The following CCDC141 variants were observed in gnomAD, a reference collection of about 807,000 sequenced individuals.
CCDC141 encodes the protein coiled-coil domain containing 141, also known as coiled-coil domain-containing protein 141.
A neutral mutation model predicts 181.0 loss-of-function variants in CCDC141; 168 were observed. The observed-to-expected ratio is 0.93, with a 90% CI of 0.82 to 1.05. The LOEUF is 1.05. Among genes scored for constraint, CCDC141 ranks in the 50% least tolerant of loss-of-function variants. The probability of loss-of-function intolerance (pLI) is 0.00; values close to 1 mark genes in which losing one functional copy is unlikely to be tolerated. For synonymous variants in CCDC141, 666 were observed against 642.3 expected (o/e 1.04, Z -0.56); for missense variants, 1,902 against 1,788.5 (o/e 1.06, Z -1.14).
intron 2 of CCDC141, among the ~76,000 whole-genome samples, chr2:178,988,480 A>G (rs959202685): frequency 1.6e-5 from 2 of 122,254 alleles, no homozygotes; most frequent in Non-Finnish European, 4.2e-5. Flanking sequence ...AATAAAAAAT[A>G]AATAATAAAA....
intron 17 of CCDC141, among the ~76,000 whole-genome samples, chr2:178,858,151 T>A (rs1474794375): frequency 6.6e-6 from 1 of 152,198 alleles, no homozygotes; most frequent in Admixed American, 6.5e-5. Flanking sequence ...CTTTAACTGA[T>A]AAATAAATCA....
At chr2:178,979,331 A>G (rs1331866359) in intron 2 of CCDC141, among the ~76,000 whole-genome samples, 1 of 152,210 alleles carries the variant, frequency 6.6e-6, no homozygotes, top group Non-Finnish European at 1.5e-5. Flanking sequence ...TTTAAAGAGT[A>G]CAGTAGACTA....
chr2:178,943,539 T>C (rs1465041527), intron 6 of CCDC141, among the ~76,000 whole-genome samples: 2 of 152,196 alleles, frequency 1.3e-5, no homozygotes, highest in Non-Finnish European at 2.9e-5. Flanking sequence ...TTGTCTAGCC[T>C]GTATTCAACT....
At chr2:178,922,831 C>T (rs1012593480) in intron 6 of CCDC141, among the ~76,000 whole-genome samples, 1 of 152,188 alleles carries the variant, frequency 6.6e-6, no homozygotes, top group African/African-American at 2.4e-5. Flanking sequence ...TTTACTGTGA[C>T]CTTCCAAAGA....
At chr2:178,931,549 G>T (rs1272446226) in intron 6 of CCDC141, among the ~76,000 whole-genome samples, 1 of 152,092 alleles carries the variant, frequency 6.6e-6, no homozygotes, top group Non-Finnish European at 1.5e-5. Flanking sequence ...CATGCAAAGT[G>T]AAAGAATTCA....
At chr2:178,841,221 G>C (rs960345896) in intron 22 of CCDC141, among the ~76,000 whole-genome samples, 7 of 152,170 alleles carry the variant, frequency 4.6e-5, no homozygotes, top group African/African-American at 1.7e-4. Flanking sequence ...CTCCAAAGTT[G>C]ACGTTGATGA....
At chr2:178,926,189 C>T (rs553477437) in intron 6 of CCDC141, among the ~76,000 whole-genome samples, 1 of 151,996 alleles carries the variant, frequency 6.6e-6, no homozygotes, top group East Asian at 1.9e-4. Context: ...ATTTTATTTG[C>T]AATCACGGAC....
intron 2 of CCDC141, among the ~76,000 whole-genome samples, chr2:178,990,112 C>A (rs1431601244): frequency 7.1e-6 from 1 of 141,520 alleles, no homozygotes; most frequent in African/African-American, 2.7e-5. Context: ...GCACTCAAGG[C>A]TGGACAACAA....
intron 8 of CCDC141, among the ~76,000 whole-genome samples, chr2:178,892,523 ACACC>A (rs972670394): frequency 1.3e-5 from 2 of 152,054 alleles, no homozygotes; most frequent in Non-Finnish European, 2.9e-5. Flanking sequence ...CTTCTTAGTG[ACACC>A]CTAATCTGCG....
Position 178,953,329 on chromosome 2 carries a change from C to T in CCDC141, c.780+7901G>A, listed in dbSNP as rs1248656809. Among the ~76,000 whole-genome samples, 3 of 151,516 alleles carry T rather than the reference C, an allele frequency of 2.0e-5. No homozygotes were observed. In the East Asian group the frequency reaches 5.8e-4, roughly 29 times the overall value. ...GCAGGCGCCTGTAGTCCCAGCTACTCGGGAGGCTGAGGCAGGAGAATGGCA... is the reference window on the plus strand; with the variant it reads ...GCAGGCGCCTGTAGTCCCAGCTACTTGGGAGGCTGAGGCAGGAGAATGGCA... On this transcript the variant is annotated intron_variant, in intron 5 of 23. Transcript: ENST00000443758.
At chr2:178,839,214 C>T (rs891280283) in intron 22 of CCDC141, among the ~76,000 whole-genome samples, 2 of 152,052 alleles carry the variant, frequency 1.3e-5, no homozygotes, top group African/African-American at 2.4e-5. Context: ...GAGATAGAGA[C>T]CATCCTGGCT....
chr2:179,013,293 C>A (rs1357430219), intron 2 of CCDC141, among the ~76,000 whole-genome samples: 1 of 152,120 alleles, frequency 6.6e-6, no homozygotes, highest in Non-Finnish European at 1.5e-5. Context: ...TTAATATACA[C>A]AAATCAGTAG....
At chr2:178,981,727 G>A (rs1391530918) in intron 2 of CCDC141, among the ~76,000 whole-genome samples, 1 of 144,894 alleles carries the variant, frequency 6.9e-6, no homozygotes, top group African/African-American at 2.5e-5. Flanking sequence ...TCAGTCTTCT[G>A]AGTTTTTACC....
chr2:178,991,327 A>G (rs754718991), intron 2 of CCDC141, among the ~76,000 whole-genome samples: 1 of 152,188 alleles, frequency 6.6e-6, no homozygotes, highest in Non-Finnish European at 1.5e-5. Flanking sequence ...GTTCATTTCT[A>G]TATTGAACTT....
intron 7 of CCDC141, among the ~76,000 whole-genome samples, chr2:178,913,665 G>A (rs899878430): frequency 6.6e-6 from 1 of 152,138 alleles, no homozygotes; most frequent in Non-Finnish European, 1.5e-5. Context: ...GGACATTAAT[G>A]TTTCAATAGC....
chr2:178,833,965 T>C lies in CCDC141; in HGVS notation c.*208A>G, dbSNP rs555845448. 1.8e-5 allele frequency: 10 copies of C among 568,224 alleles called. No homozygotes were observed. In the East Asian group the frequency reaches 3.0e-4, roughly 17 times the overall value. 35.2% of individuals were successfully genotyped at this position (568,224 alleles called of 1,614,324 possible). ...AGTACAAAAATCTGTTCTTATCCAC[T>C]ACAGATAATTTACCAAGCTTCTCAA... On this transcript the variant is annotated 3_prime_UTR_variant, in exon 24 of 24. Coordinates refer to ENST00000443758, the MANE Select transcript of CCDC141 (RefSeq NM_173648.4).
intron 2 of CCDC141, among the ~76,000 whole-genome samples, chr2:179,037,152 A>G (rs2043166890): frequency 6.6e-6 from 1 of 152,158 alleles, no homozygotes; most frequent in African/African-American, 2.4e-5. Context: ...AGAACCTGCA[A>G]CCCATAGTTC....
chr2:178,952,312 C>G (rs1218448180), intron 5 of CCDC141, among the ~76,000 whole-genome samples: 1 of 152,160 alleles, frequency 6.6e-6, no homozygotes, highest in Non-Finnish European at 1.5e-5. Context: ...ACATGGTGAA[C>G]ATTTGAAAAT....
At chr2:179,015,958 T>C (rs1188604811) in intron 2 of CCDC141, among the ~76,000 whole-genome samples, 4 of 146,942 alleles carry the variant, frequency 2.7e-5, no homozygotes, top group Non-Finnish European at 6.0e-5. Context: ...ATATCTCATA[T>C]ATATCATATA....
Sources: allele counts gnomAD v4.1 joint callset (sites outside exome capture counted in the v4.1 genomes callset), GRCh38; gene constraint gnomAD v4.1.1; transcripts MANE v1.5; gene names NCBI Gene and HGNC (gene_info 2026-07-23, HGNC 2026-07-21).